Variants in HS6ST3 observed in about 807,000 individuals in gnomAD.
HS6ST3 encodes heparan-sulfate 6-O-sulfotransferase 3.
A neutral mutation model predicts 36.7 loss-of-function variants in HS6ST3; 12 were observed. That is an observed-to-expected ratio of 0.33 (90% CI 0.21 to 0.53). The LOEUF is 0.53. Ranked by LOEUF, HS6ST3 falls within the 20% of genes least tolerant of loss-of-function variation. The probability of loss-of-function intolerance (pLI) is 0.95; values close to 1 mark genes in which losing one functional copy is unlikely to be tolerated. For synonymous variants in HS6ST3, 240 were observed against 257.5 expected (o/e 0.93, Z 0.65); for missense variants, 584 against 640.9 (o/e 0.91, Z 0.96).
intron 1 of HS6ST3, among the ~76,000 whole-genome samples, chr13:96,354,162 C>T (rs377671947): frequency 6.6e-6 from 1 of 152,148 alleles, no homozygotes; most frequent in South Asian, 2.1e-4. Flanking sequence ...GGTATAACTA[C>T]ACAGTGAAAA....
At chr13:96,327,676 T>G (rs2055040465) in intron 1 of HS6ST3, among the ~76,000 whole-genome samples, 1 of 151,766 alleles carries the variant, frequency 6.6e-6, no homozygotes, top group Admixed American at 6.6e-5. Flanking sequence ...CTTTTTTGGT[T>G]CCATATGAAC....
chr13:96,639,075 T>A (rs1267512746), intron 1 of HS6ST3, among the ~76,000 whole-genome samples: 1 of 151,956 alleles, frequency 6.6e-6, no homozygotes, highest in Non-Finnish European at 1.5e-5. Flanking sequence ...TTAGGTCCAG[T>A]TGGTTTGTAG....
At chr13:96,339,019 G>C (rs762893004) in intron 1 of HS6ST3, among the ~76,000 whole-genome samples, 33 of 152,058 alleles carry the variant, frequency 2.2e-4, no homozygotes, top group Non-Finnish European at 4.4e-4. Context: ...GCTGCCTGCT[G>C]TACGTTGGGA....
At chr13:96,366,836 G>A (rs7996639) in intron 1 of HS6ST3, among the ~76,000 whole-genome samples, 76,351 of 151,948 alleles carry the variant, frequency 0.5, 19,599 homozygotes, top group Middle Eastern at 0.62. Context: ...TTGAATCATG[G>A]GGGCAGTTTT....
chr13:96,483,635 T>G (rs1468078758), intron 1 of HS6ST3, among the ~76,000 whole-genome samples: 1 of 152,232 alleles, frequency 6.6e-6, no homozygotes, highest in Admixed American at 6.5e-5. Context: ...TGGCTCACTC[T>G]CACATTACTT....
At chr13:96,433,763 C>T (rs1004505586) in intron 1 of HS6ST3, among the ~76,000 whole-genome samples, 4 of 152,046 alleles carry the variant, frequency 2.6e-5, no homozygotes, top group African/African-American at 9.7e-5. Context: ...GGTGAAACCC[C>T]ATCTTTACTA....
chr13:96,658,268 C>CTTCTTTTTTTTTTTTTTTTTTTTTTT lies in HS6ST3; in HGVS notation c.708-174220_708-174219insCTTTTTTTTTTTTTTTTTTTTTTTTT, dbSNP rs1566422902. Among the ~76,000 whole-genome samples, 47 of 76,158 alleles carry CTTCTTTTTTTTTTTTTTTTTTTTTTT rather than the reference C, an allele frequency of 6.2e-4. 3 individuals carry two copies. The highest frequency in any genetic ancestry group is 1.7e-3 in the South Asian group (3 of 1,800). 50.0% of individuals were successfully genotyped at this position (76,158 alleles called of 152,430 possible). A position where few individuals can be genotyped will look rare whatever the true frequency, so the allele number is the denominator to read the frequency against. On this transcript the variant is annotated intron_variant, in intron 1 of 1. Transcript: ENST00000376705. Reference sequence around the variant, plus strand: ...TTCTTCTTCTTCTTCTCTTCTTCTTCTTTTTTTTTTTTTTTTTTTTTTTTT... The same window carrying CTTCTTTTTTTTTTTTTTTTTTTTTTT: ...TTCTTCTTCTTCTTCTCTTCTTCTTCTTCTTTTTTTTTTTTTTTTTTTTTTTTTTTTTTTTTTTTTTTTTTTTTTTT...
rs993171179 is a variant in HS6ST3, at chr13:96,223,597, G to C, written c.707+132028G>C. Among the ~76,000 whole-genome samples, 8 of 151,556 alleles carry C rather than the reference G, an allele frequency of 5.3e-5. 1 individual carries two copies. Among genetic ancestry groups the C allele is most frequent in the Non-Finnish European group, 1.2e-4 (8 of 67,762 alleles). On this transcript the variant is annotated intron_variant, in intron 1 of 1. Coordinates refer to ENST00000376705, the MANE Select transcript of HS6ST3 (RefSeq NM_153456.4). ...GAGCAATTGCTTTCAGAATAGAATA[G>C]CTGTACTTTGTGGTGATACAAAATA...
intron 1 of HS6ST3, among the ~76,000 whole-genome samples, chr13:96,676,044 G>A (rs935139651): frequency 5.3e-5 from 8 of 152,116 alleles, no homozygotes; most frequent in African/African-American, 1.4e-4. Context: ...AGATCCACCC[G>A]TGCACAGGCA....
At chr13:96,376,485 C>T (rs1037876935) in intron 1 of HS6ST3, among the ~76,000 whole-genome samples, 1 of 152,132 alleles carries the variant, frequency 6.6e-6, no homozygotes, top group African/African-American at 2.4e-5. Flanking sequence ...GTCATATTCT[C>T]TAAGTGGATT....
Position 96,427,064 on chromosome 13 carries a change from AG to A in HS6ST3, c.707+335497del, listed in dbSNP as rs978154886. Among the ~76,000 whole-genome samples, 3 of 152,202 alleles carry A rather than the reference AG, an allele frequency of 2.0e-5. 1 individual carries two copies. The highest frequency in any genetic ancestry group is 7.2e-5 in the African/African-American group (3 of 41,466). The stretch of plus-strand genomic sequence containing the variant: ...GCCTCAGGAATTTTTAAAGCTTCCC[AG>A]GTGATTCCAATATTTGGCTAAGAAT... On this transcript the variant is annotated intron_variant, in intron 1 of 1. Transcript: ENST00000376705.
chr13:96,801,216 C>A (rs2138528291), intron 1 of HS6ST3, among the ~76,000 whole-genome samples: 1 of 152,240 alleles, frequency 6.6e-6, no homozygotes, highest in Non-Finnish European at 1.5e-5. Flanking sequence ...TTTGACTCTC[C>A]TCTGCCAATC....
intron 1 of HS6ST3, among the ~76,000 whole-genome samples, chr13:96,353,263 T>C (rs1482459328): frequency 6.6e-6 from 1 of 151,804 alleles, no homozygotes; most frequent in Non-Finnish European, 1.5e-5. Context: ...TGATCTCTTG[T>C]GTATTCTTAA....
intron 1 of HS6ST3, among the ~76,000 whole-genome samples, chr13:96,257,050 G>T (rs1324152705): frequency 1.3e-5 from 2 of 152,130 alleles, no homozygotes; most frequent in Non-Finnish European, 2.9e-5. Flanking sequence ...TATCATAACT[G>T]CATTCTAAGG....
chr13:96,190,718 A>T (rs6492841), intron 1 of HS6ST3, among the ~76,000 whole-genome samples: 144,485 of 152,280 alleles, frequency 0.95, 68,648 homozygotes, highest in African/African-American at 0.97. Context: ...GTGAGAATAC[A>T]GGGAAATAAA....
chr13:96,252,035 A>G (rs2054610205), intron 1 of HS6ST3, among the ~76,000 whole-genome samples: 2 of 152,092 alleles, frequency 1.3e-5, no homozygotes, highest in African/African-American at 4.8e-5. Context: ...ATTGGATGTA[A>G]TGTTTCATGT....
chr13:96,621,399 C>T (rs889945311), intron 1 of HS6ST3, among the ~76,000 whole-genome samples: 4 of 152,176 alleles, frequency 2.6e-5, no homozygotes, highest in Admixed American at 2.0e-4. Context: ...ACTCTCACTT[C>T]CCTCCTGCCA....
intron 1 of HS6ST3, among the ~76,000 whole-genome samples, chr13:96,677,568 A>G (rs577339170): frequency 1.3e-5 from 2 of 152,302 alleles, no homozygotes; most frequent in South Asian, 4.1e-4. Context: ...ATATGCACAC[A>G]TCTCATACAT....
chr13:96,478,014 CA>C, intron 1 of HS6ST3, among the ~76,000 whole-genome samples: 1 of 152,168 alleles, frequency 6.6e-6, no homozygotes, highest in East Asian at 1.9e-4. Flanking sequence ...AACAAAGTAT[CA>C]AGAAGAGAAG....
Sources: gnomAD v4.1 joint callset for allele counts (sites outside exome capture counted in the v4.1 genomes callset) on GRCh38, gnomAD v4.1.1 for gene constraint, MANE v1.5 for transcripts, NCBI Gene and HGNC (gene_info 2026-07-23, HGNC 2026-07-21) for gene names.